Variants in MACROD2 observed in about 807,000 individuals in gnomAD.
MACROD2 encodes the protein mono-ADP ribosylhydrolase 2.
MACROD2 carries 36 observed loss-of-function variants against 70.4 expected under a neutral mutation model. The observed-to-expected ratio is 0.51, with a 90% CI of 0.39 to 0.68. The LOEUF is 0.68. MACROD2 is among the 30% of genes least tolerant of loss of function. MACROD2 has a pLI of 0.00. For missense variants in MACROD2, 496 were observed against 538.4 expected, an observed-to-expected ratio of 0.92 and a Z score of 0.78; for synonymous variants, 172 against 178.8, an observed-to-expected ratio of 0.96 and a Z score of 0.30.
chr20:15,689,993 G>A (rs1245256041), intron 8 of MACROD2, among the ~76,000 whole-genome samples: 2 of 152,144 alleles, frequency 1.3e-5, no homozygotes, highest in African/African-American at 2.4e-5. Flanking sequence ...GAATCAGCTC[G>A]AGCTTAGCCT....
chr20:14,503,756 A>G (rs566619377), intron 4 of MACROD2, among the ~76,000 whole-genome samples: 1 of 152,224 alleles, frequency 6.6e-6, no homozygotes, highest in African/African-American at 2.4e-5. Context: ...GATGCTGAAC[A>G]CACCAAAGGC....
At position 14,426,715 on chromosome 20, in the gene MACROD2, C is replaced by A. The variant is rs1399425473; in HGVS notation, c.272-66764C>A. On this transcript the variant is annotated intron_variant, in intron 3 of 17. Transcript: ENST00000684519. ...AGATCAGATATCCCAGAGAAGGATCCTCTAGCCTCCTTCCTGTGGAGGGAG... is the reference window on the plus strand; with the variant it reads ...AGATCAGATATCCCAGAGAAGGATCATCTAGCCTCCTTCCTGTGGAGGGAG... 2.0e-5 allele frequency among the ~76,000 whole-genome samples: 3 copies of A among 152,152 alleles called. No individual in the cohort carries two copies. In the East Asian group the frequency reaches 5.8e-4, roughly 29 times the overall value.
intron 3 of MACROD2, among the ~76,000 whole-genome samples, chr20:14,169,314 G>T (rs1225352328): frequency 6.6e-6 from 1 of 151,586 alleles, no homozygotes; most frequent in Non-Finnish European, 1.5e-5. Flanking sequence ...TTTTTTGGGG[G>T]GGGGCGGTGG....
At chr20:15,734,497 T>A (rs925497447) in intron 8 of MACROD2, among the ~76,000 whole-genome samples, 1 of 152,126 alleles carries the variant, frequency 6.6e-6, no homozygotes, top group Admixed American at 6.5e-5. Flanking sequence ...ACTAGAAGAT[T>A]TCATGTGATA....
intron 3 of MACROD2, among the ~76,000 whole-genome samples, chr20:14,402,040 T>C (rs2083643174): frequency 6.6e-6 from 1 of 152,148 alleles, no homozygotes. Flanking sequence ...ATAGAAATAT[T>C]TTCATGGTAC....
chr20:14,068,621 TAGG>T (rs2053799199), intron 2 of MACROD2, among the ~76,000 whole-genome samples: 1 of 152,058 alleles, frequency 6.6e-6, no homozygotes, highest in African/African-American at 2.4e-5. Flanking sequence ...AAAGGATAGT[TAGG>T]AGTACCAGAG....
intron 5 of MACROD2, among the ~76,000 whole-genome samples, chr20:15,202,498 T>C (rs2076665141): frequency 6.6e-6 from 1 of 152,222 alleles, no homozygotes; most frequent in African/African-American, 2.4e-5. Context: ...CCATGGTTTT[T>C]ACACATTAAT....
intron 3 of MACROD2, among the ~76,000 whole-genome samples, chr20:14,253,163 G>A (rs1226507432): frequency 2.6e-5 from 4 of 151,824 alleles, no homozygotes; most frequent in African/African-American, 9.7e-5. Flanking sequence ...GACAGAAAAT[G>A]GTATATTTTA....
chr20:15,193,131 C>T (rs2076582776), intron 5 of MACROD2, among the ~76,000 whole-genome samples: 1 of 152,196 alleles, frequency 6.6e-6, no homozygotes, highest in Non-Finnish European at 1.5e-5. Context: ...TACCTCCCAT[C>T]TTCTTTCTCT....
In MACROD2 at chr20:15,065,873, T is replaced by C. The variant is rs367807379; in HGVS notation, c.419-164067T>C. 6.6e-4 allele frequency among the ~76,000 whole-genome samples: 100 copies of C among 152,250 alleles called. 1 individual carries two copies. The highest frequency in any genetic ancestry group is 2.0e-3 in the African/African-American group (83 of 41,582). On this transcript the variant is annotated intron_variant, in intron 5 of 17. Transcript: ENST00000684519. ...ATACTTTTATATTAATCAACTGTTGTTGCATAAGAAACAACCACAAAAAGT... is the reference window on the plus strand; with the variant it reads ...ATACTTTTATATTAATCAACTGTTGCTGCATAAGAAACAACCACAAAAAGT...
intron 12 of MACROD2, among the ~76,000 whole-genome samples, chr20:15,960,153 TTCTC>T (rs1217131985): frequency 6.6e-6 from 1 of 152,206 alleles, no homozygotes; most frequent in Non-Finnish European, 1.5e-5. Flanking sequence ...TGAATATTAA[TTCTC>T]TCCTGGTATG....
intron 6 of MACROD2, among the ~76,000 whole-genome samples, chr20:15,254,504 C>A (rs1601306617): frequency 6.6e-6 from 1 of 152,072 alleles, no homozygotes; most frequent in African/African-American, 2.4e-5. Flanking sequence ...TCGTTTAATA[C>A]TGGGAGCCCC....
intron 5 of MACROD2, among the ~76,000 whole-genome samples, chr20:15,087,477 GTTTTA>G (rs1601053181): frequency 6.6e-6 from 1 of 152,106 alleles, no homozygotes; most frequent in East Asian, 1.9e-4. Flanking sequence ...TGGTAAGAAT[GTTTTA>G]TTTAATAAAT....
chr20:14,989,527 G>A (rs961909284), intron 5 of MACROD2, among the ~76,000 whole-genome samples: 1 of 152,154 alleles, frequency 6.6e-6, no homozygotes, highest in Non-Finnish European at 1.5e-5. Flanking sequence ...AGAGAGTCAG[G>A]TGCAAGGGGG....
chr20:14,222,813 GAAAAAAAAAA>G lies in MACROD2; in HGVS notation c.271+137105_271+137114del, dbSNP rs199573606. On this transcript the variant is annotated intron_variant, in intron 3 of 17. Coordinates refer to ENST00000684519, the MANE Select transcript of MACROD2 (RefSeq NM_001351661.2). ...TTCACAGTTCAACCTTTGGATTTCT[GAAAAAAAAAA>G]AAAAAAAAAAAAAAAAAAAGAATTG... 3.3e-3 allele frequency among the ~76,000 whole-genome samples: 445 copies of G among 132,948 alleles called. 11 individuals carry two copies. The highest frequency in any genetic ancestry group is 0.012 in the African/African-American group (419 of 34,778). 87.2% of individuals were successfully genotyped at this position (132,948 alleles called of 152,430 possible).
chr20:15,817,516 C>T (rs1465902793), intron 8 of MACROD2, among the ~76,000 whole-genome samples: 1 of 152,206 alleles, frequency 6.6e-6, no homozygotes, highest in Middle Eastern at 3.2e-3. Context: ...CTAATGAGTT[C>T]ATACCAAACT....
chr20:14,179,144 A>G (rs1401491945), intron 3 of MACROD2, among the ~76,000 whole-genome samples: 1 of 152,176 alleles, frequency 6.6e-6, no homozygotes, highest in African/African-American at 2.4e-5. Context: ...ATGTCTCATG[A>G]TGTAGCCTGA....
chr20:14,573,462 G>A lies in MACROD2; in HGVS notation c.301+79954G>A, dbSNP rs533741550. ...CTAAAATAGAAAATAAAGTATCTAC[G>A]TACATTTTAGCTGCTGCTCTTTTAA... On this transcript the variant is annotated intron_variant, in intron 4 of 17. Transcript: ENST00000684519. Among the ~76,000 whole-genome samples, 14 of 152,226 alleles carry A rather than the reference G, an allele frequency of 9.2e-5. No individual in the cohort carries two copies. The South Asian group carries it at 2.1e-3, about 23-fold the overall frequency.
At chr20:14,913,515 C>T (rs1179563255) in intron 5 of MACROD2, among the ~76,000 whole-genome samples, 3 of 152,046 alleles carry the variant, frequency 2.0e-5, no homozygotes, top group East Asian at 1.9e-4. Flanking sequence ...AGCAAGACTC[C>T]GTCTCAACAA....
Sources: gnomAD v4.1 joint callset for allele counts (sites outside exome capture counted in the v4.1 genomes callset) on GRCh38, gnomAD v4.1.1 for gene constraint, MANE v1.5 for transcripts, NCBI Gene and HGNC (gene_info 2026-07-23, HGNC 2026-07-21) for gene names.